Variants in AFF3 observed in about 807,000 individuals in gnomAD.
AFF3 encodes AF4/FMR2 family member 3.
In AFF3, 32 loss-of-function variants were observed where a neutral mutation model predicts 129.7. The ratio of observed to expected loss-of-function variants is 0.25; its 90% CI spans 0.19 to 0.33. The LOEUF is 0.33. Ranked by LOEUF, AFF3 falls within the 10% of genes least tolerant of loss-of-function variation. The pLI is 1.00. For missense variants in AFF3, 1,373 were observed against 1,592.0 expected, an observed-to-expected ratio of 0.86 and a Z score of 2.34; for synonymous variants, 644 against 635.4, an observed-to-expected ratio of 1.01 and a Z score of -0.20.
intron 7 of AFF3, among the ~76,000 whole-genome samples, chr2:99,945,090 T>G (rs1263075306): frequency 6.6e-6 from 1 of 152,140 alleles, no homozygotes; most frequent in East Asian, 1.9e-4. Context: ...CCCTTAGACA[T>G]GAGCACATGT....
intron 7 of AFF3, among the ~76,000 whole-genome samples, chr2:99,938,680 A>C (rs1674747594): frequency 6.6e-6 from 1 of 152,194 alleles, no homozygotes; most frequent in Non-Finnish European, 1.5e-5. Flanking sequence ...CTCAGGGAAG[A>C]GGGAATTCTG....
At chr2:100,035,387 T>A (rs1288341203) in intron 4 of AFF3, among the ~76,000 whole-genome samples, 1 of 152,174 alleles carries the variant, frequency 6.6e-6, no homozygotes, top group East Asian at 1.9e-4. Flanking sequence ...GGTGAATAGA[T>A]CACATTTACT....
intron 12 of AFF3, among the ~76,000 whole-genome samples, chr2:99,653,080 C>A (rs918357074): frequency 8.5e-5 from 13 of 152,186 alleles, no homozygotes; most frequent in African/African-American, 3.1e-4. Context: ...CAGGTGGCAT[C>A]ACTGCTGGCA....
intron 21 of AFF3, among the ~76,000 whole-genome samples, 198 bp downstream of exon 21, chr2:99,560,167 G>A (rs947560354): frequency 2.0e-5 from 3 of 152,220 alleles, no homozygotes; most frequent in South Asian, 2.1e-4. Context: ...TAGGCCTGTC[G>A]ATTTTCAATC....
chr2:99,937,156 A>C (rs903710945), intron 7 of AFF3, among the ~76,000 whole-genome samples: 7 of 152,092 alleles, frequency 4.6e-5, no homozygotes, highest in African/African-American at 1.7e-4. Flanking sequence ...CAAATCCATA[A>C]ATTTGAAGTC....
rs544048574 is a variant in AFF3, at chr2:99,650,106, G to A, written c.1144-440C>T. 2.4e-3 allele frequency among the ~76,000 whole-genome samples: 361 copies of A among 152,322 alleles called. 3 individuals are homozygous for A. The highest frequency in any genetic ancestry group is 8.0e-3 in the African/African-American group (332 of 41,570). ...TAATTTTTCACTCGGATTTCAGATT[G>A]AAAGTTTCCACAGTTGGAATATGGA... On this transcript the variant is annotated intron_variant, in intron 12 of 24. Transcript: ENST00000672756.
intron 7 of AFF3, among the ~76,000 whole-genome samples, chr2:99,853,095 C>T (rs1392875154): frequency 6.6e-6 from 1 of 152,016 alleles, no homozygotes; most frequent in African/African-American, 2.4e-5. Flanking sequence ...AATATTACAG[C>T]AACATTGGGA....
rs139436537 is a variant in AFF3 at position 99,585,551 on chromosome 2, T to A, written c.2591+1603A>T. Reference sequence around the variant, plus strand: ...TCTCTAGAGCAAGAGTTTTTTAACCTGGGGTCCAATAACTTGAATAGAGAA... The same window carrying A: ...TCTCTAGAGCAAGAGTTTTTTAACCAGGGGTCCAATAACTTGAATAGAGAA... On this transcript the variant is annotated intron_variant, in intron 16 of 24. Transcript: ENST00000672756. Among the ~76,000 whole-genome samples the A allele has an allele frequency of 7.9e-5, 12 of 152,322 alleles. No individual in the cohort carries two copies. In the East Asian group the frequency reaches 2.1e-3, roughly 27 times the overall value.
chr2:99,901,493 T>A (rs1339311466), intron 7 of AFF3, among the ~76,000 whole-genome samples: 1 of 152,334 alleles, frequency 6.6e-6, no homozygotes, highest in Middle Eastern at 3.4e-3. Flanking sequence ...AAACTCATTA[T>A]CGTGATCCCA....
chr2:99,921,148 C>T (rs1695831810), intron 7 of AFF3, among the ~76,000 whole-genome samples: 1 of 152,086 alleles, frequency 6.6e-6, no homozygotes, highest in Non-Finnish European at 1.5e-5. Context: ...TTGAAACAGT[C>T]ACAGACCTAA....
chr2:99,808,595 A>G (rs1686538035), intron 8 of AFF3, among the ~76,000 whole-genome samples: 1 of 152,144 alleles, frequency 6.6e-6, no homozygotes, highest in South Asian at 2.1e-4. Flanking sequence ...CAATCAATAC[A>G]CTCAGGAAAG....
intron 18 of AFF3, among the ~76,000 whole-genome samples, chr2:99,574,328 C>A (rs1271783448): frequency 6.6e-6 from 1 of 152,196 alleles, no homozygotes; most frequent in African/African-American, 2.4e-5. Flanking sequence ...AAAGGACAGG[C>A]TGACCTGATT....
chr2:99,605,435 T>C (rs1235628755), intron 13 of AFF3, among the ~76,000 whole-genome samples: 6 of 152,202 alleles, frequency 3.9e-5, no homozygotes, highest in Non-Finnish European at 7.3e-5. Context: ...GTAGCTCCAG[T>C]TGTGGGATCA....
chr2:99,978,335 C>T (rs891075018), intron 7 of AFF3, among the ~76,000 whole-genome samples: 2 of 150,680 alleles, frequency 1.3e-5, no homozygotes, highest in African/African-American at 2.4e-5. Context: ...TGCTAATAAG[C>T]TCAATATGGA....
chr2:99,719,826 G>A (rs550154250), intron 11 of AFF3, among the ~76,000 whole-genome samples: 2 of 152,290 alleles, frequency 1.3e-5, no homozygotes, highest in Non-Finnish European at 1.5e-5. Context: ...GAGGAGGGTG[G>A]ATCACAAGGT....
intron 13 of AFF3, among the ~76,000 whole-genome samples, chr2:99,638,625 C>T (rs947391211): frequency 1.3e-5 from 2 of 152,072 alleles, no homozygotes; most frequent in African/African-American, 2.4e-5. Flanking sequence ...AAGGAAAGGA[C>T]GCATGTCCAG....
intron 11 of AFF3, among the ~76,000 whole-genome samples, chr2:99,680,346 C>T (rs553652925): frequency 1.2e-4 from 19 of 152,190 alleles, no homozygotes; most frequent in African/African-American, 4.6e-4. Flanking sequence ...TTTCTGAGCT[C>T]GATGTTCTCA....
chr2:99,673,596 G>C (rs1467517987), intron 11 of AFF3, among the ~76,000 whole-genome samples: 1 of 152,192 alleles, frequency 6.6e-6, no homozygotes, highest in Non-Finnish European at 1.5e-5. Context: ...AGGGAGCAGG[G>C]GAGAGCCCAC....
intron 4 of AFF3, among the ~76,000 whole-genome samples, chr2:100,016,439 T>G (rs988109319): frequency 6.8e-6 from 1 of 146,154 alleles, no homozygotes; most frequent in Non-Finnish European, 1.5e-5. Context: ...GTGGTGGTGA[T>G]GTGGTGGTGG....
Sources: gnomAD v4.1 joint callset for allele counts (sites outside exome capture counted in the v4.1 genomes callset) on GRCh38, gnomAD v4.1.1 for gene constraint, MANE v1.5 for transcripts, NCBI Gene and HGNC (gene_info 2026-07-23, HGNC 2026-07-21) for gene names.